DTWD2: variants seen among roughly 807,000 people sequenced by gnomAD.
DTWD2 encodes the protein DTW motif tRNA-uridine aminocarboxypropyltransferase 2, also known as tRNA-uridine aminocarboxypropyltransferase 2.
Under a neutral mutation model 31.8 loss-of-function variants are expected in DTWD2, and 39 were observed. That is an observed-to-expected ratio of 1.22 (90% CI 0.95 to 1.60). The LOEUF is 1.60. Ranked by LOEUF, DTWD2 falls within the 40% of genes most tolerant of loss-of-function variation. The probability of loss-of-function intolerance (pLI) is 0.00; values close to 1 mark genes in which losing one functional copy is unlikely to be tolerated. For synonymous variants in DTWD2, 180 were observed against 142.8 expected (o/e 1.26, Z -1.86); for missense variants, 515 against 381.5 (o/e 1.35, Z -2.92).
In DTWD2 at chr5:118,836,719, G is replaced by A. The variant is rs1198245132; in HGVS notation, c.*4198C>T. Among the ~76,000 whole-genome samples, 2 of 152,072 alleles carry A rather than the reference G, an allele frequency of 1.3e-5. No homozygotes were observed. The highest frequency in any genetic ancestry group is 2.4e-5 in the African/African-American group (1 of 41,400). ...CTTTGGGGGATGATTAGGTCATAAGGGTCTCAGAGAGCTAGCTCGACCCTT... is the reference window on the plus strand; with the variant it reads ...CTTTGGGGGATGATTAGGTCATAAGAGTCTCAGAGAGCTAGCTCGACCCTT... On this transcript the variant is annotated 3_prime_UTR_variant, in exon 6 of 6. Coordinates refer to ENST00000510708, the MANE Select transcript of DTWD2 (RefSeq NM_173666.4).
At chr5:118,900,534 G>C (rs1753181475) in intron 4 of DTWD2, among the ~76,000 whole-genome samples, 1 of 152,120 alleles carries the variant, frequency 6.6e-6, no homozygotes, top group East Asian at 1.9e-4. Context: ...TAAAACTATA[G>C]TCATATCCTG....
intron 1 of DTWD2, among the ~76,000 whole-genome samples, chr5:118,957,353 C>T (rs1379356329): frequency 6.6e-6 from 1 of 151,942 alleles, no homozygotes; most frequent in African/African-American, 2.4e-5. Context: ...TCCCAAGTAG[C>T]TGGGATTACA....
chr5:118,967,945 T>C (rs1013503689), intron 1 of DTWD2, among the ~76,000 whole-genome samples: 4 of 152,288 alleles, frequency 2.6e-5, no homozygotes, highest in South Asian at 4.1e-4. Flanking sequence ...AGTAACTGCA[T>C]AGTAGAAAAA....
At chr5:118,904,766 T>C (rs916850025) in intron 4 of DTWD2, among the ~76,000 whole-genome samples, 5 of 151,976 alleles carry the variant, frequency 3.3e-5, no homozygotes, top group African/African-American at 1.2e-4. Context: ...TTATTAAACG[T>C]TCAATTTTGA....
At chr5:118,845,744 A>G (rs1448910285) in intron 5 of DTWD2, among the ~76,000 whole-genome samples, 1 of 152,194 alleles carries the variant, frequency 6.6e-6, no homozygotes. Context: ...CTGAAGAGAT[A>G]ATGGGTCCTG....
chr5:118,899,955 C>T (rs1347530991), intron 4 of DTWD2, among the ~76,000 whole-genome samples: 2 of 151,960 alleles, frequency 1.3e-5, no homozygotes, highest in Admixed American at 1.3e-4. Context: ...GCGCACGTCA[C>T]CACACCCTGA....
At chr5:118,907,721 C>T (rs980270716) in intron 4 of DTWD2, among the ~76,000 whole-genome samples, 13 of 149,416 alleles carry the variant, frequency 8.7e-5, no homozygotes, top group African/African-American at 3.2e-4. Flanking sequence ...CAGCGAGACT[C>T]CATATCAAAA....
chr5:118,858,917 T>C (rs1331961530), intron 4 of DTWD2, among the ~76,000 whole-genome samples: 1 of 152,166 alleles, frequency 6.6e-6, no homozygotes, highest in Admixed American at 6.5e-5. Flanking sequence ...TACCATCCAA[T>C]TCCTTCTTTT....
At chr5:118,852,480 G>C (rs1010461268) in intron 4 of DTWD2, among the ~76,000 whole-genome samples, 1 of 151,998 alleles carries the variant, frequency 6.6e-6, no homozygotes, top group African/African-American at 2.4e-5. Flanking sequence ...CTCCGTTCAG[G>C]GTCCCTGAAT....
intron 1 of DTWD2, among the ~76,000 whole-genome samples, chr5:118,948,618 G>C (rs1035238788): frequency 2.6e-5 from 4 of 152,184 alleles, no homozygotes; most frequent in Admixed American, 6.5e-5. Flanking sequence ...AATAATGTGG[G>C]GGCCAGCCTA....
At chr5:118,874,703 T>C (rs573513717) in intron 4 of DTWD2, among the ~76,000 whole-genome samples, 3 of 151,842 alleles carry the variant, frequency 2.0e-5, no homozygotes, top group Non-Finnish European at 2.9e-5. Flanking sequence ...CCAAAAAATA[T>C]GGGATTACAA....
intron 1 of DTWD2, among the ~76,000 whole-genome samples, chr5:118,965,201 C>T (rs1176886262): frequency 6.6e-6 from 1 of 151,360 alleles, no homozygotes; most frequent in African/African-American, 2.4e-5. Context: ...CCCCTCCGCC[C>T]AGCAGCCGCC....
intron 1 of DTWD2, among the ~76,000 whole-genome samples, chr5:118,966,505 CA>C (rs1421353009): frequency 1.3e-5 from 2 of 152,044 alleles, no homozygotes; most frequent in African/African-American, 4.8e-5. Flanking sequence ...ATCTTTGCAA[CA>C]GAAAAGATGT....
At chr5:118,869,854 A>G (rs560470587) in intron 4 of DTWD2, among the ~76,000 whole-genome samples, 2 of 152,230 alleles carry the variant, frequency 1.3e-5, no homozygotes, top group South Asian at 2.1e-4. Flanking sequence ...TCATGCTCCA[A>G]TGTTGGAGGT....
intron 1 of DTWD2, among the ~76,000 whole-genome samples, chr5:118,969,321 A>G (rs973225826): frequency 5.3e-5 from 8 of 152,188 alleles, no homozygotes; most frequent in African/African-American, 1.9e-4. Flanking sequence ...CCACTCAGCC[A>G]AAGGGCAGCC....
chr5:118,884,493 A>T (rs1004443117), intron 4 of DTWD2, among the ~76,000 whole-genome samples: 1 of 152,216 alleles, frequency 6.6e-6, no homozygotes, highest in Non-Finnish European at 1.5e-5. Flanking sequence ...ACTCATACAC[A>T]AAGTTCATCA....
rs1361780365 is a variant in DTWD2, at chr5:118,839,201, C to A, written c.*1716G>T. The A allele has an allele frequency of 5.9e-5, 9 of 151,788 alleles. No homozygotes were observed. The highest frequency in any genetic ancestry group is 1.3e-4 in the Non-Finnish European group (9 of 67,958). 9.4% of individuals were successfully genotyped at this position (151,788 alleles called of 1,614,324 possible). A position where few individuals can be genotyped will look rare whatever the true frequency, so the allele number is the denominator to read the frequency against. On this transcript the variant is annotated 3_prime_UTR_variant, in exon 6 of 6. Coordinates refer to ENST00000510708, the MANE Select transcript of DTWD2 (RefSeq NM_173666.4). ...ATAATAATAATGACTAAAAGAAACT[C>A]ATGAAGTTTAATATCAATGTGAAAA...
intron 5 of DTWD2, among the ~76,000 whole-genome samples, chr5:118,841,849 C>G (rs1019667448): frequency 7.0e-4 from 106 of 151,412 alleles, no homozygotes; most frequent in African/African-American, 2.5e-3. Context: ...GGCCTGAGAC[C>G]CCTGATGAAG....
At chr5:118,865,048 A>C (rs1301918994) in intron 4 of DTWD2, among the ~76,000 whole-genome samples, 1 of 152,150 alleles carries the variant, frequency 6.6e-6, no homozygotes, top group Non-Finnish European at 1.5e-5. Context: ...CACACAGAGC[A>C]TATAATGTAC....
Sources: allele counts gnomAD v4.1 joint callset (sites outside exome capture counted in the v4.1 genomes callset), GRCh38; gene constraint gnomAD v4.1.1; transcripts MANE v1.5; gene names NCBI Gene and HGNC (gene_info 2026-07-23, HGNC 2026-07-21).